NDC1: variants seen among roughly 807,000 people sequenced by gnomAD.
NDC1 encodes the protein NDC1 transmembrane nucleoporin, also known as nucleoporin NDC1.
In NDC1, 24 loss-of-function variants were observed where a neutral mutation model predicts 89.8. The ratio of observed to expected loss-of-function variants is 0.27; its 90% CI spans 0.19 to 0.38. The LOEUF (loss-of-function observed/expected upper bound fraction) is 0.38. NDC1 is among the 10% of genes least tolerant of loss of function. NDC1 has a pLI of 1.00. For synonymous variants in NDC1, 296 were observed against 284.8 expected (o/e 1.04, Z -0.39); for missense variants, 728 against 797.6 (o/e 0.91, Z 1.05).
intron 6 of NDC1, among the ~76,000 whole-genome samples, chr1:53,815,836 C>T (rs576409532): frequency 1.0e-3 from 158 of 152,262 alleles, no homozygotes; most frequent in African/African-American, 3.7e-3. Context: ...AAATCAAGAA[C>T]TCAAACCCTT....
intron 4 of NDC1, among the ~76,000 whole-genome samples, chr1:53,827,451 TTTTTTAA>T (rs1269033528): frequency 6.6e-6 from 1 of 152,168 alleles, no homozygotes; most frequent in Non-Finnish European, 1.5e-5. Flanking sequence ...TCCAGTAATC[TTTTTTAA>T]TTTTTAAAGT....
chr1:53,830,807 A>T (rs1027344089), intron 3 of NDC1, among the ~76,000 whole-genome samples: 1 of 151,880 alleles, frequency 6.6e-6, no homozygotes, highest in Non-Finnish European at 1.5e-5. Flanking sequence ...GGTTGCGGTG[A>T]GCCGAGATCA....
At chr1:53,793,435 T>C (rs761524294) in intron 13 of NDC1, among the ~76,000 whole-genome samples, 156 bp from the exon 14 acceptor site, 57 of 152,172 alleles carry the variant, frequency 3.7e-4, no homozygotes, top group Non-Finnish European at 5.1e-4. Flanking sequence ...CAATACGCCA[T>C]GTAACTAAAT....
At position 53,789,162 on chromosome 1, in the gene NDC1, T is replaced by C; in HGVS notation, c.1670A>G (p.Asp557Gly). The C allele has an allele frequency of 6.2e-7, 1 of 1,609,950 alleles. No homozygotes were observed. Among genetic ancestry groups the C allele is most frequent in the Non-Finnish European group, 8.5e-7 (1 of 1,178,100 alleles). The change falls in exon 15 of 18, where the codon GAT (aspartate) becomes GGT (glycine). Residue 557 changes from aspartate to glycine, a missense_variant. By Grantham distance (94) the Asp-to-Gly change is moderately conservative (BLOSUM62 -1). Transcript: ENST00000371429. ...TAATGCCCAAATATGCATTTGGGCA[T>C]CTGAAAAAACAGCCTGAATGGAGGC... The part of the protein sequence containing the change: ...PEASIQAVFS[D>G]AQMHIWALEG...
At chr1:53,800,908 T>A in intron 10 of NDC1, 60 bp from the exon 11 acceptor site, 3 of 1,468,172 alleles carry the variant, frequency 2.0e-6, no homozygotes, top group Non-Finnish European at 2.7e-6. Flanking sequence ...CCTCTTGAAG[T>A]GGGGGAAAAA....
intron 6 of NDC1, among the ~76,000 whole-genome samples, chr1:53,816,299 C>T (rs1178942571): frequency 6.6e-6 from 1 of 152,096 alleles, no homozygotes; most frequent in Admixed American, 6.5e-5. Flanking sequence ...AACCCAAATA[C>T]TTTCAGCCAA....
chr1:53,812,024 G>A (rs942265323), intron 6 of NDC1, among the ~76,000 whole-genome samples: 2 of 152,130 alleles, frequency 1.3e-5, no homozygotes, highest in Non-Finnish European at 2.9e-5. Context: ...ACTGCAGTTC[G>A]GCTCACAGGA....
intron 6 of NDC1, among the ~76,000 whole-genome samples, chr1:53,817,059 C>A (rs1460528782): frequency 6.6e-6 from 1 of 152,178 alleles, no homozygotes; most frequent in Non-Finnish European, 1.5e-5. Context: ...TAAACTAGTA[C>A]AGCCACTATG....
At chr1:53,784,241 A>G (rs1289389910) in intron 16 of NDC1, among the ~76,000 whole-genome samples, 3 of 151,922 alleles carry the variant, frequency 2.0e-5, no homozygotes, top group African/African-American at 7.3e-5. Context: ...ACACACACAC[A>G]CACACACACG....
rs184090184 is a variant in NDC1, at chr1:53,834,924, G to A, written c.178+576C>T. Among the ~76,000 whole-genome samples the A allele has an allele frequency of 2.4e-3, 372 of 151,970 alleles. 1 individual carries two copies. The highest frequency in any genetic ancestry group is 7.7e-3 in the African/African-American group (318 of 41,376). On this transcript the variant is annotated intron_variant, in intron 2 of 17. Coordinates refer to ENST00000371429, the MANE Select transcript of NDC1 (RefSeq NM_018087.5). ...GGAGCTCAAGACCAGCCTGGGTAAC[G>A]TGGCAAAACCCCGTATCTACTAAAA...
intron 6 of NDC1, among the ~76,000 whole-genome samples, chr1:53,810,652 C>G (rs910107594): frequency 2.3e-4 from 35 of 152,152 alleles, no homozygotes; most frequent in African/African-American, 8.2e-4. Flanking sequence ...TGCCTATAAT[C>G]CCAGTACTCT....
chr1:53,814,619 A>G (rs1648418680), intron 6 of NDC1, among the ~76,000 whole-genome samples: 2 of 152,200 alleles, frequency 1.3e-5, no homozygotes, highest in Admixed American at 6.5e-5. Flanking sequence ...AATGAATTTG[A>G]AACAAAAACA....
intron 16 of NDC1, among the ~76,000 whole-genome samples, chr1:53,779,007 G>A (rs573667801): frequency 6.6e-6 from 1 of 151,666 alleles, no homozygotes; most frequent in East Asian, 1.9e-4. Flanking sequence ...ATTGGGCATA[G>A]TGGTGCGTGC....
chr1:53,777,765 G>A (rs1647174588), intron 16 of NDC1, among the ~76,000 whole-genome samples: 5 of 152,128 alleles, frequency 3.3e-5, no homozygotes, highest in Admixed American at 3.3e-4. Flanking sequence ...TGCCCAGGCT[G>A]AGTGTAGTGG....
chr1:53,810,480 C>T (rs13375730), intron 6 of NDC1, among the ~76,000 whole-genome samples: 160 of 143,630 alleles, frequency 1.1e-3, no homozygotes, highest in African/African-American at 4.0e-3. Context: ...ATGCTGAAAA[C>T]GAAATTTGAA....
At position 53,788,428 on chromosome 1, in the gene NDC1, A is replaced by G. The variant is rs189916114; in HGVS notation, c.1699+705T>C. Among the ~76,000 whole-genome samples the G allele has an allele frequency of 3.0e-4, 45 of 151,934 alleles. 1 individual carries two copies. The highest frequency in any genetic ancestry group is 1.1e-3 in the African/African-American group (44 of 41,406). On this transcript the variant is annotated intron_variant, in intron 15 of 17. Coordinates refer to ENST00000371429, the MANE Select transcript of NDC1 (RefSeq NM_018087.5). ...CTAGATAACCTCGTCCCTACAAAAA[A>G]AAAATTTTTTTTTTTGAGATGGAGT...
At chr1:53,771,528 C>G (rs1275236241) in intron 17 of NDC1, among the ~76,000 whole-genome samples, 1 of 152,032 alleles carries the variant, frequency 6.6e-6, no homozygotes, top group Non-Finnish European at 1.5e-5. Flanking sequence ...AGATGTTATA[C>G]TTCTGTTGTC....
chr1:53,810,382 T>C (rs563020877), intron 6 of NDC1, among the ~76,000 whole-genome samples: 1 of 110,094 alleles, frequency 9.1e-6, no homozygotes, highest in Non-Finnish European at 2.0e-5. Flanking sequence ...AAGCGTTCCA[T>C]AAAAAATAAA....
chr1:53,809,206 G>A (rs993207216), intron 7 of NDC1, among the ~76,000 whole-genome samples: 1 of 152,198 alleles, frequency 6.6e-6, no homozygotes, highest in Admixed American at 6.5e-5. Context: ...GGAGAAAAAC[G>A]AAACAGAGGC....
Sources: allele counts gnomAD v4.1 joint callset (sites outside exome capture counted in the v4.1 genomes callset), GRCh38; gene constraint gnomAD v4.1.1; transcripts MANE v1.5; gene names NCBI Gene and HGNC (gene_info 2026-07-23, HGNC 2026-07-21).